The following TMEM132D variants were observed in gnomAD, a reference collection of about 807,000 sequenced individuals.
TMEM132D encodes the protein mature OL transmembrane protein.
A neutral mutation model predicts 62.3 loss-of-function variants in TMEM132D; 21 were observed. The ratio of observed to expected loss-of-function variants is 0.34; its 90% CI spans 0.24 to 0.49. The LOEUF (loss-of-function observed/expected upper bound fraction) is 0.49, where lower values mean the gene tolerates loss of function less well. Among genes scored for constraint, TMEM132D ranks in the 20% least tolerant of loss-of-function variants. TMEM132D has a pLI of 0.99. For synonymous variants in TMEM132D, 621 were observed against 575.6 expected, an observed-to-expected ratio of 1.08 and a Z score of -1.13; for missense variants, 1,346 against 1,402.8, an observed-to-expected ratio of 0.96 and a Z score of 0.65.
chr12:129,509,650 C>A (rs1418140918), intron 3 of TMEM132D, among the ~76,000 whole-genome samples: 1 of 152,108 alleles, frequency 6.6e-6, no homozygotes, highest in African/African-American at 2.4e-5. Context: ...CCTCTGGTAA[C>A]CATCCTTATA....
At chr12:129,441,751 G>A (rs4759939) in intron 3 of TMEM132D, among the ~76,000 whole-genome samples, 75,820 of 151,996 alleles carry the variant, frequency 0.5, 22,960 homozygotes, top group Non-Finnish European at 0.7. Flanking sequence ...CCCAGCAACA[G>A]TGGAGTAAAT....
chr12:129,142,057 C>G (rs7299514), intron 5 of TMEM132D, among the ~76,000 whole-genome samples: 34,904 of 149,804 alleles, frequency 0.23, 4,220 homozygotes, highest in South Asian at 0.33. Flanking sequence ...GGCCTGCATT[C>G]TAGACTTTCA....
intron 5 of TMEM132D, among the ~76,000 whole-genome samples, chr12:129,196,270 G>T (rs1220269015): frequency 2.0e-5 from 3 of 152,222 alleles, no homozygotes; most frequent in Admixed American, 2.0e-4. Context: ...TGCAGCAACA[G>T]GCAGGTAGGA....
At chr12:129,737,308 C>T (rs1869457515) in intron 1 of TMEM132D, among the ~76,000 whole-genome samples, 1 of 152,188 alleles carries the variant, frequency 6.6e-6, no homozygotes, top group African/African-American at 2.4e-5. Flanking sequence ...CAGTTGACAA[C>T]CATTGACCTA....
intron 1 of TMEM132D, among the ~76,000 whole-genome samples, chr12:129,884,353 T>C (rs1014775858): frequency 6.6e-6 from 1 of 152,192 alleles, no homozygotes; most frequent in African/African-American, 2.4e-5. Flanking sequence ...TTTCAAATCA[T>C]GTATATGGTT....
intron 4 of TMEM132D, among the ~76,000 whole-genome samples, chr12:129,327,805 T>C (rs1490353551): frequency 1.3e-5 from 2 of 152,220 alleles, no homozygotes; most frequent in African/African-American, 4.8e-5. Context: ...GATCTCCTCA[T>C]AGCATTCAGA....
At chr12:129,771,214 G>A (rs1248841973) in intron 1 of TMEM132D, among the ~76,000 whole-genome samples, 1 of 152,176 alleles carries the variant, frequency 6.6e-6, no homozygotes. Context: ...GCCTTTGCAC[G>A]TGTCATTCCT....
chr12:129,244,168 A>G (rs947293669), intron 4 of TMEM132D, among the ~76,000 whole-genome samples: 4 of 152,158 alleles, frequency 2.6e-5, no homozygotes, highest in Admixed American at 6.5e-5. Context: ...GGCAGATCAC[A>G]AAGTCAGGAG....
At chr12:129,660,275 C>T (rs546459625) in intron 2 of TMEM132D, among the ~76,000 whole-genome samples, 3 of 151,602 alleles carry the variant, frequency 2.0e-5, no homozygotes, top group Admixed American at 2.0e-4. Context: ...TCTGAGACCT[C>T]CTAGAGAAGC....
chr12:129,447,074 C>T (rs1873120023), intron 3 of TMEM132D, among the ~76,000 whole-genome samples: 1 of 152,178 alleles, frequency 6.6e-6, no homozygotes, highest in Admixed American at 6.5e-5. Context: ...CTGCCCTTCA[C>T]CAGCCCAAAC....
intron 4 of TMEM132D, among the ~76,000 whole-genome samples, chr12:129,313,028 G>T (rs182398817): frequency 9.9e-5 from 15 of 152,204 alleles, no homozygotes; most frequent in African/African-American, 3.6e-4. Context: ...GATGGGGAAG[G>T]TTCCAGGAAT....
chr12:129,549,888 C>T (rs772859202), intron 2 of TMEM132D, among the ~76,000 whole-genome samples: 2 of 152,188 alleles, frequency 1.3e-5, no homozygotes, highest in Non-Finnish European at 2.9e-5. Flanking sequence ...AGCAAGACCT[C>T]GGCAAGTCTG....
At chr12:129,469,418 A>C (rs1874026466) in intron 3 of TMEM132D, among the ~76,000 whole-genome samples, 1 of 152,190 alleles carries the variant, frequency 6.6e-6, no homozygotes, top group South Asian at 2.1e-4. Context: ...ACTGAATCAG[A>C]AATTCTGGAG....
chr12:129,080,489 T>C (rs1356276972), intron 7 of TMEM132D, among the ~76,000 whole-genome samples: 1 of 152,238 alleles, frequency 6.6e-6, no homozygotes, highest in East Asian at 1.9e-4. Flanking sequence ...TTTTCCTCCT[T>C]GGATAAAATG....
intron 4 of TMEM132D, among the ~76,000 whole-genome samples, chr12:129,232,603 C>T (rs1879672231): frequency 6.6e-6 from 1 of 152,102 alleles, no homozygotes; most frequent in Non-Finnish European, 1.5e-5. Context: ...CTGTGACCAC[C>T]GAACGATTAC....
intron 3 of TMEM132D, among the ~76,000 whole-genome samples, chr12:129,455,850 G>A (rs1271120855): frequency 6.6e-6 from 1 of 152,156 alleles, no homozygotes; most frequent in Non-Finnish European, 1.5e-5. Flanking sequence ...TGTGTCCTCT[G>A]GGGAGCCAGA....
At chr12:129,688,666 C>T (rs968558571) in intron 2 of TMEM132D, among the ~76,000 whole-genome samples, 2 of 151,840 alleles carry the variant, frequency 1.3e-5, no homozygotes, top group Admixed American at 6.6e-5. Flanking sequence ...TCCACTCATC[C>T]TTCCAATATT....
chr12:129,424,203 A>AT, intron 3 of TMEM132D, among the ~76,000 whole-genome samples: 1 of 13,970 alleles, frequency 7.2e-5, no homozygotes, highest in Non-Finnish European at 3.0e-4. Context: ...ATTTTTTTGT[A>AT]AAAAAAAAAA....
At position 129,699,904 on chromosome 12, in the gene TMEM132D, T is replaced by C. The variant is rs762551850; in HGVS notation, c.874A>G (p.Ile292Val). Residue 292 changes from isoleucine (I) to valine (V), a missense_variant, in exon 2 of 9, where the codon ATC becomes GTC. Coordinates refer to ENST00000422113, the MANE Select transcript of TMEM132D (RefSeq NM_133448.3). Reference sequence around the variant, plus strand: ...CTCACGGTCTTTGGTATATAGTGGATGGCCACGCTGTTGTCCAGACGCAGT... The same window carrying C: ...CTCACGGTCTTTGGTATATAGTGGACGGCCACGCTGTTGTCCAGACGCAGT... ...RELRLDNSVA[I>V]HYIPKTVRKG... is the part of the protein sequence containing the mutation. The C allele has an allele frequency of 1.4e-5, 22 of 1,614,074 alleles. No individual in the cohort carries two copies. Among genetic ancestry groups the C allele is most frequent in the African/African-American group, 2.7e-5 (2 of 74,942 alleles).
Sources: allele counts gnomAD v4.1 joint callset (sites outside exome capture counted in the v4.1 genomes callset), GRCh38; gene constraint gnomAD v4.1.1; transcripts MANE v1.5; gene names NCBI Gene and HGNC (gene_info 2026-07-23, HGNC 2026-07-21).